The following ITPR1 variants were observed in gnomAD, a reference collection of about 807,000 sequenced individuals.
ITPR1 encodes inositol 1,4,5-trisphosphate receptor type 1.
ITPR1 carries 96 observed loss-of-function variants against 318.4 expected under a neutral mutation model. The observed-to-expected ratio is 0.30, with a 90% CI of 0.26 to 0.36. The LOEUF (loss-of-function observed/expected upper bound fraction) is 0.36, where lower values mean the gene tolerates loss of function less well. Ranked by LOEUF, ITPR1 falls within the 10% of genes least tolerant of loss-of-function variation. The pLI, the probability that ITPR1 is intolerant of heterozygous loss-of-function variation, is 1.00. For missense variants in ITPR1, 2,440 were observed against 3,460.2 expected (o/e 0.71, Z 7.40); for synonymous variants, 1,312 against 1,289.9 (o/e 1.02, Z -0.37).
At chr3:4,578,503 T>C (rs1281580639) in intron 4 of ITPR1, among the ~76,000 whole-genome samples, 3 of 152,154 alleles carry the variant, frequency 2.0e-5, no homozygotes, top group Non-Finnish European at 4.4e-5. Context: ...TGTGTGCATA[T>C]ACATATATAT....
chr3:4,672,772 C>G (rs923336269), intron 20 of ITPR1, among the ~76,000 whole-genome samples: 2 of 152,118 alleles, frequency 1.3e-5, no homozygotes, highest in Non-Finnish European at 2.9e-5. Context: ...CTGTATAAAA[C>G]ACAGCTGAAG....
Position 4,676,381 on chromosome 3 carries a change from G to A in ITPR1, c.2780-233G>A, listed in dbSNP as rs534787013. 3.3e-5 allele frequency among the ~76,000 whole-genome samples: 5 copies of A among 152,172 alleles called. No homozygotes were observed. In the South Asian group the frequency reaches 1.0e-3, roughly 32 times the overall value. ...AAAAAAAATAAAATTTGATGGGCAA[G>A]TTAGTGCACAGAAATGCCCCTCTGG... On this transcript the variant is annotated intron_variant, in intron 23 of 61. Transcript: ENST00000649015.
chr3:4,714,195 G>A (rs568809853), intron 39 of ITPR1, among the ~76,000 whole-genome samples: 1 of 152,276 alleles, frequency 6.6e-6, no homozygotes, highest in African/African-American at 2.4e-5. Flanking sequence ...ACTTTTTCAA[G>A]GGCAGAAATA....
At chr3:4,695,864 T>C (rs545138473) in intron 33 of ITPR1, among the ~76,000 whole-genome samples, 2 of 152,214 alleles carry the variant, frequency 1.3e-5, no homozygotes, top group East Asian at 3.8e-4. Flanking sequence ...GGATTGTGCA[T>C]ACATCCTGGC....
At chr3:4,682,990 T>C (rs2094328671) in intron 26 of ITPR1, among the ~76,000 whole-genome samples, 1 of 152,170 alleles carries the variant, frequency 6.6e-6, no homozygotes, top group African/African-American at 2.4e-5. Flanking sequence ...GGAGTTTGAA[T>C]TCAGCCTGGG....
chr3:4,574,225 T>C (rs547295188), intron 4 of ITPR1, among the ~76,000 whole-genome samples: 4 of 151,808 alleles, frequency 2.6e-5, no homozygotes, highest in Non-Finnish European at 4.4e-5. Context: ...CAGCCTCTTA[T>C]TGAAAAAAAA....
intron 4 of ITPR1, among the ~76,000 whole-genome samples, chr3:4,544,592 G>T (rs193228972): frequency 6.6e-6 from 1 of 152,248 alleles, no homozygotes; most frequent in African/African-American, 2.4e-5. Context: ...CTAGCTAAGT[G>T]GGGCTAGGTA....
rs1249724552 is a variant in ITPR1 at position 4,725,558 on chromosome 3, C to G, written c.5149C>G (p.Pro1717Ala). Residue 1717 changes from proline (P) to alanine (A), a missense_variant, in exon 41 of 62, where the codon CCG becomes GCG. Pro to Ala is a conservative substitution (Grantham distance 27). Around this residue, in one of 23 missense-constraint regions of ITPR1, gnomAD observed 166 missense variants for 143.7 expected, o/e 1.16. Coordinates refer to ENST00000649015, the MANE Select transcript of ITPR1 (RefSeq NM_001378452.1). ...TACTCCCAATTAGCTTCCTCCAGCT[C>G]CGGATTCTGAGAACGCCACTGAGGT... ...ELDNAELPPA[P>A]DSENATEELE... is the part of the protein sequence containing the mutation. The G allele has an allele frequency of 6.3e-7, 1 of 1,599,214 alleles. No homozygotes were observed. The highest frequency in any genetic ancestry group is 8.5e-7 in the Non-Finnish European group (1 of 1,179,634).
intron 2 of ITPR1, among the ~76,000 whole-genome samples, chr3:4,498,077 T>G (rs1232642932): frequency 1.3e-5 from 2 of 152,182 alleles, no homozygotes; most frequent in Non-Finnish European, 2.9e-5. Context: ...TTATTGAGGA[T>G]AGAGTTTCAG....
intron 4 of ITPR1, among the ~76,000 whole-genome samples, chr3:4,523,288 C>A (rs1332909454): frequency 2.0e-5 from 3 of 152,082 alleles, no homozygotes; most frequent in African/African-American, 7.2e-5. Context: ...TTGTTTTTTA[C>A]AAATACATGC....
intron 61 of ITPR1, among the ~76,000 whole-genome samples, chr3:4,844,680 T>G (rs934281243): frequency 3.3e-5 from 5 of 152,238 alleles, no homozygotes; most frequent in African/African-American, 1.2e-4. Flanking sequence ...TGTGTAACAC[T>G]TCCTTTAAAG....
At chr3:4,500,234 C>T (rs529070024) in intron 2 of ITPR1, among the ~76,000 whole-genome samples, 82 of 152,340 alleles carry the variant, frequency 5.4e-4, no homozygotes, top group Middle Eastern at 3.4e-3. Context: ...GAGTCTTACT[C>T]TGCTGCCCAG....
intron 4 of ITPR1, among the ~76,000 whole-genome samples, chr3:4,580,728 C>T (rs184796620): frequency 2.0e-5 from 3 of 152,180 alleles, no homozygotes; most frequent in Non-Finnish European, 4.4e-5. Flanking sequence ...ACAACAGATC[C>T]TCAGTGAGCA....
intron 55 of ITPR1, among the ~76,000 whole-genome samples, chr3:4,807,750 T>C (rs1426235747): frequency 2.6e-5 from 4 of 152,234 alleles, no homozygotes; most frequent in Non-Finnish European, 4.4e-5. Context: ...CAGGATATCC[T>C]TGTGATTCCC....
In ITPR1 at chr3:4,547,817, G is replaced by C. The variant is rs562775922; in HGVS notation, c.163+26723G>C. 4.3e-4 allele frequency among the ~76,000 whole-genome samples: 66 copies of C among 152,282 alleles called. 1 individual carries two copies. Among genetic ancestry groups the C allele is most frequent in the African/African-American group, 1.6e-3 (65 of 41,570 alleles). ...CTTGCCCTTCCCTCCTCAGGACTTA[G>C]TGGGTGATAGGTGGAATATCAAACA... On this transcript the variant is annotated intron_variant, in intron 4 of 61. Coordinates refer to ENST00000649015, the MANE Select transcript of ITPR1 (RefSeq NM_001378452.1).
intron 20 of ITPR1, among the ~76,000 whole-genome samples, chr3:4,672,686 G>C (rs1386487060): frequency 6.6e-6 from 1 of 152,162 alleles, no homozygotes; most frequent in East Asian, 1.9e-4. Flanking sequence ...CATGATATAA[G>C]ATCTTTAAAA....
chr3:4,662,681 C>A (rs555990288), intron 15 of ITPR1, among the ~76,000 whole-genome samples: 4 of 152,164 alleles, frequency 2.6e-5, no homozygotes, highest in Non-Finnish European at 5.9e-5. Flanking sequence ...CAAGATCATA[C>A]CACTGCACTT....
At chr3:4,606,923 T>C (rs1178805539) in intron 4 of ITPR1, among the ~76,000 whole-genome samples, 3 of 152,126 alleles carry the variant, frequency 2.0e-5, no homozygotes, top group African/African-American at 7.2e-5. Context: ...GTGAGACCTG[T>C]TGTGAATTTG....
rs2094369426 is a variant in ITPR1, at chr3:4,685,115, T to C, written c.3611T>C (p.Val1204Ala). The C allele has an allele frequency of 6.2e-7, 1 of 1,611,206 alleles. No homozygotes were observed. Among genetic ancestry groups the C allele is most frequent in the East Asian group, 2.2e-5 (1 of 44,818 alleles). The change falls in exon 30 of 62, where the codon GTG becomes GCG. Residue 1204 changes from valine to alanine, a missense_variant. By Grantham distance (64) the Val-to-Ala change is moderately conservative. Coordinates refer to ENST00000649015, the MANE Select transcript of ITPR1 (RefSeq NM_001378452.1). ...SKLCVQESAS[V>A]RKSRKQQQRL... The stretch of plus-strand genomic sequence containing the variant: ...CTCTGTGTTCAAGAGAGTGCCTCAG[T>C]GAGAAAGAGCAGGAAGCAGCAACAG...
Sources: allele counts gnomAD v4.1 joint callset (sites outside exome capture counted in the v4.1 genomes callset), GRCh38; gene constraint gnomAD v4.1.1; regional missense constraint gnomAD v4.1.1; transcripts MANE v1.5; gene names NCBI Gene and HGNC (gene_info 2026-07-23, HGNC 2026-07-21).